Variants in NRXN2 observed in about 807,000 individuals in gnomAD.
NRXN2 encodes neurexin-2-beta.
Under a neutral mutation model 128.8 loss-of-function variants are expected in NRXN2, and 29 were observed. The ratio of observed to expected loss-of-function variants is 0.23; its 90% CI spans 0.17 to 0.31. NRXN2 has a LOEUF of 0.31. NRXN2 is among the 10% of genes least tolerant of loss of function. NRXN2 has a pLI of 1.00. For synonymous variants in NRXN2, 1,098 were observed against 1,075.2 expected, an observed-to-expected ratio of 1.02 and a Z score of -0.41; for missense variants, 1,881 against 2,452.6, an observed-to-expected ratio of 0.77 and a Z score of 4.92.
rs148252790 is a variant in NRXN2, at chr11:64,669,762, C to T, written c.1198-1158G>A. Among the ~76,000 whole-genome samples, 144 of 152,284 alleles carry T rather than the reference C, an allele frequency of 9.5e-4. 1 individual carries two copies. The highest frequency in any genetic ancestry group is 3.2e-3 in the African/African-American group (134 of 41,560). ...AGAAGGGCCAAGGGCTATGAGACCA[C>T]GAGCCCCTACTCTAGGAAGGCAGTG... On this transcript the variant is annotated intron_variant, in intron 7 of 22. Coordinates refer to ENST00000265459, the MANE Select transcript of NRXN2 (RefSeq NM_015080.4).
chr11:64,702,003 G>A (rs1307784591), intron 2 of NRXN2, among the ~76,000 whole-genome samples: 1 of 148,164 alleles, frequency 6.7e-6, no homozygotes, highest in Admixed American at 6.6e-5. Context: ...GAGGGAGGTG[G>A]GGGGGGTCAG....
chr11:64,696,601 G>A (rs565888038), intron 3 of NRXN2, among the ~76,000 whole-genome samples: 1 of 150,942 alleles, frequency 6.6e-6, no homozygotes, highest in African/African-American at 2.4e-5. Flanking sequence ...GGACCCCCAG[G>A]GAAAAGAGAC....
chr11:64,619,758 G>A (rs1269220583), intron 22 of NRXN2, among the ~76,000 whole-genome samples: 7 of 152,174 alleles, frequency 4.6e-5, no homozygotes. Flanking sequence ...GCCTCACCTT[G>A]GCCTGGCAGT....
At chr11:64,668,366 G>GGTCA (rs2050175535) in intron 8 of NRXN2, 77 bp downstream of exon 8, 1 of 1,578,126 alleles carries the variant, frequency 6.3e-7, no homozygotes, top group African/African-American at 1.3e-5. Flanking sequence ...CAACTAGCCA[G>GGTCA]GTCAGACTAA....
chr11:64,671,190 T>C (rs1470302856), intron 7 of NRXN2, among the ~76,000 whole-genome samples: 2 of 151,244 alleles, frequency 1.3e-5, no homozygotes, highest in African/African-American at 2.4e-5. Flanking sequence ...AGGGGTGGAG[T>C]AGCAGGAGGA....
At chr11:64,628,793 G>A (rs2043440748) in intron 19 of NRXN2, among the ~76,000 whole-genome samples, 2 of 152,208 alleles carry the variant, frequency 1.3e-5, no homozygotes, top group African/African-American at 4.8e-5. Flanking sequence ...GCTTGTTGGG[G>A]GGCGTGGGGG....
Position 64,686,883 on chromosome 11 carries a change from A to G in NRXN2, c.851-936T>C, listed in dbSNP as rs140719292. Among the ~76,000 whole-genome samples, 431 of 152,316 alleles carry G rather than the reference A, an allele frequency of 2.8e-3. 2 individuals are homozygous for G. Among genetic ancestry groups the G allele is most frequent in the African/African-American group, 9.4e-3 (391 of 41,566 alleles). ...AAAAACTACTGGGAGAGGCTGAGGG[A>G]TTGTCAGCATTCTGTAAGTTGGTAA... is the stretch of plus-strand genomic sequence containing the variant. On this transcript the variant is annotated intron_variant, in intron 5 of 22. Transcript: ENST00000265459.
chr11:64,639,350 A>C (rs986945476), intron 17 of NRXN2, among the ~76,000 whole-genome samples: 1 of 151,898 alleles, frequency 6.6e-6, no homozygotes, highest in Non-Finnish European at 1.5e-5. Context: ...CAGAAATCCA[A>C]GTTAACACAC....
At chr11:64,711,275 G>GAC (rs1474285939) in intron 2 of NRXN2, among the ~76,000 whole-genome samples, 1 of 152,128 alleles carries the variant, frequency 6.6e-6, no homozygotes, top group South Asian at 2.1e-4. Flanking sequence ...TGGGGGGACG[G>GAC]ACACACACAC....
At chr11:64,665,572 C>A in intron 9 of NRXN2, among the ~76,000 whole-genome samples, 1 of 152,314 alleles carries the variant, frequency 6.6e-6, no homozygotes, top group East Asian at 1.9e-4. Context: ...GGGATGAAAC[C>A]ATTTAATGTA....
At position 64,633,038 on chromosome 11, in the gene NRXN2, G is replaced by A. The variant is rs146358881; in HGVS notation, c.3585+2233C>T. ...ATCTGGTGCCCACCTCCCACCTCAT[G>A]GCTGGCTCCTCTCATGGACCCCCAC... is the stretch of plus-strand genomic sequence containing the variant. On this transcript the variant is annotated intron_variant, in intron 18 of 22. Coordinates refer to ENST00000265459, the MANE Select transcript of NRXN2 (RefSeq NM_015080.4). Among the ~76,000 whole-genome samples, 436 of 152,202 alleles carry A rather than the reference G, an allele frequency of 2.9e-3. 2 individuals are homozygous for A. The highest frequency in any genetic ancestry group is 9.9e-3 in the African/African-American group (412 of 41,534).
At position 64,676,722 on chromosome 11, in the gene NRXN2, A is replaced by T. The variant is rs1342487983; in HGVS notation, c.1197+271T>A. ...CAGGTCTCTCTGGCCAGGAATCTGA[A>T]TTCAGGAGTTAGGGATTACAGCAGG... On this transcript the variant is annotated intron_variant, in intron 7 of 22. Coordinates refer to ENST00000265459, the MANE Select transcript of NRXN2 (RefSeq NM_015080.4). The T allele has an allele frequency of 5.5e-6, 3 of 548,828 alleles. No individual in the cohort carries two copies. The African/African-American group carries it at 5.7e-5, about 10-fold the overall frequency. The allele number at this position is 548,828 out of a possible 1,614,324, so 34.0% of individuals were successfully genotyped here.
At chr11:64,649,494 C>T (rs948011889) in intron 15 of NRXN2, among the ~76,000 whole-genome samples, 3 of 152,252 alleles carry the variant, frequency 2.0e-5, no homozygotes, top group Non-Finnish European at 4.4e-5. Flanking sequence ...AGTCAAGACA[C>T]TGGTCAGTCT....
At chr11:64,633,968 C>T (rs1698510261) in intron 18 of NRXN2, among the ~76,000 whole-genome samples, 2 of 152,164 alleles carry the variant, frequency 1.3e-5, no homozygotes, top group Non-Finnish European at 2.9e-5. Context: ...GGAAGTCTCC[C>T]CTCATGCTCC....
intron 22 of NRXN2, among the ~76,000 whole-genome samples, chr11:64,616,167 C>G (rs779772492): frequency 7.2e-5 from 11 of 152,112 alleles, no homozygotes; most frequent in Non-Finnish European, 1.6e-4. Context: ...CATCTGAACC[C>G]CTGTGAGTCT....
intron 22 of NRXN2, among the ~76,000 whole-genome samples, chr11:64,608,419 T>C (rs1565163034): frequency 1.3e-5 from 2 of 150,930 alleles, no homozygotes; most frequent in African/African-American, 2.4e-5. Context: ...TAAAAACAGA[T>C]ACAACAGCAG....
At chr11:64,659,244 C>T (rs893217776) in intron 11 of NRXN2, 3 of 152,290 alleles carry the variant, frequency 2.0e-5, no homozygotes, top group African/African-American at 7.2e-5. Context: ...ACCTCTCATT[C>T]CCAGGGTTCC....
chr11:64,617,162 G>T (rs935439777), intron 22 of NRXN2, among the ~76,000 whole-genome samples: 1 of 134,226 alleles, frequency 7.5e-6, no homozygotes, highest in Non-Finnish European at 1.5e-5. Flanking sequence ...AGGTTTGAAC[G>T]TGTGTGTGTG....
At chr11:64,642,517 C>G (rs2045857685) in intron 17 of NRXN2, 2 of 1,600,486 alleles carry the variant, frequency 1.2e-6, no homozygotes, top group East Asian at 2.3e-5. Context: ...ACCGGGTGGC[C>G]GGCATCTACA....
Sources: allele counts gnomAD v4.1 joint callset (sites outside exome capture counted in the v4.1 genomes callset), GRCh38; gene constraint gnomAD v4.1.1; transcripts MANE v1.5; gene names NCBI Gene and HGNC (gene_info 2026-07-23, HGNC 2026-07-21).